Variants in CMTM4 observed in about 807,000 individuals in gnomAD.
CMTM4 encodes CKLF-like MARVEL transmembrane domain-containing protein 4.
In CMTM4, 8 loss-of-function variants were observed where a neutral mutation model predicts 19.0. That is an observed-to-expected ratio of 0.42 (90% confidence interval 0.25 to 0.76). CMTM4 has a LOEUF of 0.76. Among genes scored for constraint, CMTM4 ranks in the 30% least tolerant of loss-of-function variants. The probability of loss-of-function intolerance (pLI) is 0.27; values close to 1 mark genes in which losing one functional copy is unlikely to be tolerated. For synonymous variants in CMTM4, 106 were observed against 121.1 expected, an observed-to-expected ratio of 0.88 and a Z score of 0.82; for missense variants, 228 against 290.2, an observed-to-expected ratio of 0.79 and a Z score of 1.56.
rs1157436830 is a variant in CMTM4, at chr16:66,666,058, T to C, written c.187-29477A>G. Among the ~76,000 whole-genome samples the C allele has an allele frequency of 2.0e-3, 221 of 111,140 alleles. No individual in the cohort carries two copies. The Middle Eastern group carries it at 0.025, about 13-fold the overall frequency. 72.9% of individuals were successfully genotyped at this position (111,140 alleles called of 152,430 possible). On this transcript the variant is annotated intron_variant, in intron 1 of 3. Transcript: ENST00000394106. ...CTGCACTCCAGCCTGGGCGACAGAG[T>C]GAGACTCTGTCTCAAAAAAAACAGA...
At chr16:66,660,956 C>T (rs2016489972) in intron 1 of CMTM4, among the ~76,000 whole-genome samples, 1 of 152,178 alleles carries the variant, frequency 6.6e-6, no homozygotes, top group Non-Finnish European at 1.5e-5. Context: ...TGCTCTATCC[C>T]TCCCGAACAG....
Position 66,621,453 on chromosome 16 carries a change from C to A in CMTM4, c.*605G>T. On this transcript the variant is annotated 3_prime_UTR_variant, in exon 4 of 4. Transcript: ENST00000394106. Reference sequence around the variant, plus strand: ...TTTGAGGAAGAATCAAGTGATTTCTCAGCAGAGTAGGAAACAAAAGGTCAC... The same window carrying A: ...TTTGAGGAAGAATCAAGTGATTTCTAAGCAGAGTAGGAAACAAAAGGTCAC... 1.0e-6 allele frequency: 1 copy of A among 985,962 alleles called. No homozygotes were observed. The highest frequency in any genetic ancestry group is 1.2e-6 in the Non-Finnish European group (1 of 829,994). The allele number at this position is 985,962 out of a possible 1,614,324, so 61.1% of individuals were successfully genotyped here.
chr16:66,619,540 AAG>A lies in CMTM4; in HGVS notation c.*2516_*2517del. 1.0e-6 allele frequency: 1 copy of A among 985,432 alleles called. No individual in the cohort carries two copies. The highest frequency in any genetic ancestry group is 1.2e-6 in the Non-Finnish European group (1 of 829,934). 61.0% of individuals were successfully genotyped at this position (985,432 alleles called of 1,614,324 possible). A position where few individuals can be genotyped will look rare whatever the true frequency, so the allele number is the denominator to read the frequency against. Reference sequence around the variant, plus strand: ...GCAAAAACGCTTCCTTCAATTTGCCAAGAGGTCATTTTAAGGCCCCCAGATAT... The same window carrying A: ...GCAAAAACGCTTCCTTCAATTTGCCAAGGTCATTTTAAGGCCCCCAGATAT... On this transcript the variant is annotated 3_prime_UTR_variant, in exon 4 of 4. Transcript: ENST00000394106.
At chr16:66,605,615 C>T in the CMTM4 span, 1 of 153,494 alleles carries the variant, frequency 6.5e-6, no homozygotes. The surrounding 1 kb of genome is among the most constrained non-coding windows in gnomAD (Gnocchi z 4.6). Flanking sequence ...GAGGCCGGGC[C>T]GGAGACCGGG....
the CMTM4 span, among the ~76,000 whole-genome samples, chr16:66,600,112 T>TGTG: frequency 6.8e-6 from 1 of 146,504 alleles, no homozygotes; most frequent in Non-Finnish European, 1.5e-5. Flanking sequence ...AGCCATCCTT[T>TGTG]TGTGTGTGTG....
chr16:66,604,608 C>A, the CMTM4 span: 1 of 379,330 alleles, frequency 2.6e-6, no homozygotes, highest in African/African-American at 2.1e-5. Flanking sequence ...GGCCCAGCAT[C>A]CCCCGCAGCC....
chr16:66,601,103 GTGTC>G, the CMTM4 span, among the ~76,000 whole-genome samples: 5 of 146,044 alleles, frequency 3.4e-5, no homozygotes, highest in Non-Finnish European at 4.5e-5. Flanking sequence ...GTGTGTGTGT[GTGTC>G]TGTGTGTGTG....
the CMTM4 span, chr16:66,604,713 T>C: frequency 3.9e-6 from 4 of 1,013,042 alleles, no homozygotes; most frequent in Non-Finnish European, 5.0e-6. Flanking sequence ...CAGTGTCGCC[T>C]GCCCTCCTTC....
chr16:66,629,564 A>G (rs935294277), intron 2 of CMTM4, among the ~76,000 whole-genome samples: 1 of 152,214 alleles, frequency 6.6e-6, no homozygotes, highest in Non-Finnish European at 1.5e-5. Flanking sequence ...GAGTGATATG[A>G]GCATCTTTTG....
chr16:66,684,637 G>T (rs1392014049), intron 1 of CMTM4, among the ~76,000 whole-genome samples: 1 of 152,112 alleles, frequency 6.6e-6, no homozygotes, highest in Non-Finnish European at 1.5e-5. Flanking sequence ...TTTAAGTTGA[G>T]AATTTTTCAC....
chr16:66,678,401 A>G (rs976818712), intron 1 of CMTM4, among the ~76,000 whole-genome samples: 2 of 152,212 alleles, frequency 1.3e-5, no homozygotes, highest in African/African-American at 4.8e-5. Flanking sequence ...CTCGCCACAT[A>G]GTCCCCATTT....
intron 1 of CMTM4, among the ~76,000 whole-genome samples, chr16:66,675,183 T>C (rs138134826): frequency 0.043 from 6,495 of 151,358 alleles, 259 homozygotes; most frequent in East Asian, 0.15. Context: ...TGGGTTCAAG[T>C]GATTCTCCTG....
chr16:66,609,001 T>A, the CMTM4 span, among the ~76,000 whole-genome samples: 1 of 152,056 alleles, frequency 6.6e-6, no homozygotes, highest in African/African-American at 2.4e-5. This position sits in a 1 kb window ranked among gnomAD's most constrained non-coding sequence, Gnocchi z 4.4. Flanking sequence ...GGCTGCACCC[T>A]CTGTGTCCCC....
chr16:66,626,521 G>A (rs1469571278), intron 2 of CMTM4, among the ~76,000 whole-genome samples: 3 of 152,116 alleles, frequency 2.0e-5, no homozygotes, highest in Non-Finnish European at 4.4e-5. Context: ...CAAGAGAATC[G>A]CTAGAGGCCA....
intron 1 of CMTM4, among the ~76,000 whole-genome samples, chr16:66,668,377 C>T (rs1367856113): frequency 1.3e-5 from 2 of 152,088 alleles, no homozygotes; most frequent in East Asian, 1.9e-4. Context: ...ATTCTGATGC[C>T]TTGCTGGTGT....
At chr16:66,632,259 A>G (rs1275248834) in intron 2 of CMTM4, among the ~76,000 whole-genome samples, 1 of 152,232 alleles carries the variant, frequency 6.6e-6, no homozygotes, top group African/African-American at 2.4e-5. Flanking sequence ...CAGAGGATCT[A>G]GGAACACGGA....
At chr16:66,627,943 G>A (rs574201991) in intron 2 of CMTM4, among the ~76,000 whole-genome samples, 12 of 152,236 alleles carry the variant, frequency 7.9e-5, no homozygotes, top group East Asian at 1.9e-4. Flanking sequence ...AGAGGAATGC[G>A]GTAGGAGAAC....
At position 66,617,396 on chromosome 16, in the gene CMTM4, G is replaced by A. The variant is rs766443498; in HGVS notation, c.*4662C>T. The A allele has an allele frequency of 6.2e-7, 1 of 1,601,670 alleles. No individual in the cohort carries two copies. Among genetic ancestry groups the A allele is most frequent in the East Asian group, 2.2e-5 (1 of 44,732 alleles). ...AAAAAATCCCAAAGGTTGAAAAACT[G>A]TATCCAAATGGAAAAAGAATATATT... On this transcript the variant is annotated 3_prime_UTR_variant, in exon 4 of 4. Transcript: ENST00000394106.
At chr16:66,645,635 G>C (rs1017851642) in intron 1 of CMTM4, among the ~76,000 whole-genome samples, 49 of 151,756 alleles carry the variant, frequency 3.2e-4, no homozygotes, top group Non-Finnish European at 1.6e-4. Flanking sequence ...CTAGGACTAT[G>C]TACCCTATGA....
Sources: gnomAD v4.1 joint callset for allele counts (sites outside exome capture counted in the v4.1 genomes callset) on GRCh38, gnomAD v4.1.1 for gene constraint, Gnocchi (gnomAD v3.1) non-coding constraint, MANE v1.5 for transcripts, NCBI Gene and HGNC (gene_info 2026-07-23, HGNC 2026-07-21) for gene names.